The following MYOM1 variants were observed in gnomAD, a reference collection of about 807,000 sequenced individuals.
MYOM1 encodes myomesin-1.
Under a neutral mutation model 205.3 loss-of-function variants are expected in MYOM1, and 164 were observed. The observed-to-expected ratio is 0.80, with a 90% CI of 0.70 to 0.91. The LOEUF is 0.91. MYOM1 is among the 40% of genes least tolerant of loss of function. The pLI is 0.00. For missense variants in MYOM1, 2,011 were observed against 2,127.3 expected (o/e 0.95, Z 1.08); for synonymous variants, 772 against 789.4 (o/e 0.98, Z 0.37).
At chr18:3,165,310 C>T (rs1211296251) in intron 9 of MYOM1, among the ~76,000 whole-genome samples, 1 of 152,030 alleles carries the variant, frequency 6.6e-6, no homozygotes. Flanking sequence ...ATGCTTTGTC[C>T]AATATGGCTT....
intron 22 of MYOM1, among the ~76,000 whole-genome samples, chr18:3,111,325 A>G (rs2079524521): frequency 6.9e-6 from 1 of 144,848 alleles, no homozygotes; most frequent in Non-Finnish European, 1.5e-5. Context: ...GATAAAAGAA[A>G]TTATTATGTA....
intron 2 of MYOM1, among the ~76,000 whole-genome samples, chr18:3,196,120 T>G (rs1431059791): frequency 6.6e-6 from 1 of 152,194 alleles, no homozygotes; most frequent in Admixed American, 6.5e-5. Flanking sequence ...AACTGATGAT[T>G]TAGTAATGCT....
the MYOM1 span, among the ~76,000 whole-genome samples, chr18:3,227,362 G>A: frequency 2.0e-5 from 3 of 152,074 alleles, no homozygotes; most frequent in African/African-American, 7.2e-5. Flanking sequence ...AAATAAGCCA[G>A]TCACACAAGG....
Position 3,067,253 on chromosome 18 carries a change from C to T in MYOM1, c.*9G>A. The T allele has an allele frequency of 1.3e-6, 2 of 1,582,572 alleles. No individual in the cohort carries two copies. Among genetic ancestry groups the T allele is most frequent in the South Asian group, 2.3e-5 (2 of 87,376 alleles). On this transcript the variant is annotated 3_prime_UTR_variant, in exon 38 of 38. Coordinates refer to ENST00000356443, the MANE Select transcript of MYOM1 (RefSeq NM_003803.4). Reference sequence around the variant, plus strand: ...CACACAGGCCGGCTGGCTCTCCTCGCACCTCCGGTCACTTGGCCTTCTTGC... The same window carrying T: ...CACACAGGCCGGCTGGCTCTCCTCGTACCTCCGGTCACTTGGCCTTCTTGC...
chr18:3,148,511 G>C (rs775098367), intron 13 of MYOM1, among the ~76,000 whole-genome samples: 3 of 152,094 alleles, frequency 2.0e-5, no homozygotes, highest in Non-Finnish European at 4.4e-5. Flanking sequence ...TTACGAATGG[G>C]CAGGGGAAAT....
chr18:3,164,333 G>A lies in MYOM1; in HGVS notation c.1446C>T (p.Ile482=), dbSNP rs1471749545. 2 of 1,612,832 alleles carry A rather than the reference G, an allele frequency of 1.2e-6. No homozygotes were observed. Among genetic ancestry groups the A allele is most frequent in the African/African-American group, 2.7e-5 (2 of 75,052 alleles). ...LNKEDEGLYT[I]RVRMGEYYEQ... ...CATAATATTCTCCCATCCGTACACG[G>A]ATTGTATAGAGGCCTTCATCTTCTT... The change falls in exon 10 of 38, where the codon ATC becomes ATT. Residue 482 remains isoleucine (I), a synonymous_variant. Transcript: ENST00000356443.
chr18:3,184,884 C>T (rs565990806), intron 5 of MYOM1, among the ~76,000 whole-genome samples: 9 of 152,126 alleles, frequency 5.9e-5, no homozygotes, highest in Non-Finnish European at 1.2e-4. Context: ...TGTGTCTTCC[C>T]TTTTGTTTGA....
intron 35 of MYOM1, 48 bp downstream of exon 35, chr18:3,075,677 C>G (rs1010939764): frequency 1.3e-6 from 2 of 1,584,660 alleles, no homozygotes; most frequent in East Asian, 2.3e-5. Flanking sequence ...GCAAGCTTCC[C>G]GGGAAATTAG....
At chr18:3,092,391 C>T (rs1190942156) in intron 26 of MYOM1, among the ~76,000 whole-genome samples, 6 of 152,136 alleles carry the variant, frequency 3.9e-5, no homozygotes, top group African/African-American at 1.4e-4. Flanking sequence ...TGAGGTTTCA[C>T]TATGTTGCCC....
intron 2 of MYOM1, among the ~76,000 whole-genome samples, chr18:3,202,938 T>A (rs1297217257): frequency 1.3e-5 from 2 of 151,946 alleles, no homozygotes; most frequent in East Asian, 3.9e-4. Flanking sequence ...GCTAGAATCA[T>A]GGGAAATATA....
At chr18:3,108,599 A>C (rs2079482519) in intron 22 of MYOM1, among the ~76,000 whole-genome samples, 1 of 151,322 alleles carries the variant, frequency 6.6e-6, no homozygotes, top group South Asian at 2.1e-4. Context: ...GCTGGAGTGC[A>C]GTGGCGTGAT....
intron 2 of MYOM1, among the ~76,000 whole-genome samples, chr18:3,200,398 C>T (rs373847579): frequency 1.3e-5 from 2 of 152,078 alleles, no homozygotes; most frequent in East Asian, 3.9e-4. Flanking sequence ...TCTGGGTTGT[C>T]CTTGATGTTG....
chr18:3,105,412 T>C (rs1473700965), intron 22 of MYOM1, among the ~76,000 whole-genome samples: 4 of 152,180 alleles, frequency 2.6e-5, no homozygotes, highest in Non-Finnish European at 5.9e-5. Context: ...TAAAACGATT[T>C]TCATCAGAAA....
At chr18:3,221,116 G>T (rs942604574), upstream of MYOM1, among the ~76,000 whole-genome samples, 6 of 152,184 alleles carry the variant, frequency 3.9e-5, no homozygotes, top group African/African-American at 1.2e-4. Context: ...TGCCTCCCAG[G>T]CTCAAGCAAT....
In MYOM1 at chr18:3,149,246, C is replaced by T. The variant is rs367641876; in HGVS notation, c.1844-45G>A. On this transcript the variant is annotated intron_variant, in intron 12 of 37. Coordinates refer to ENST00000356443, the MANE Select transcript of MYOM1 (RefSeq NM_003803.4). ...AGAATCACAAACGTTTACAAGTGTG[C>T]AATTTATCAGCTGCACTGATGAATT... 1.6e-4 allele frequency: 247 copies of T among 1,538,820 alleles called. No homozygotes were observed. In the African/African-American group the frequency reaches 3.0e-3, roughly 19 times the overall value.
chr18:3,132,992 G>A (rs537263936), intron 16 of MYOM1, among the ~76,000 whole-genome samples: 1 of 152,072 alleles, frequency 6.6e-6, no homozygotes, highest in South Asian at 2.1e-4. Context: ...CAGCCCTTCA[G>A]TCCTTAGAGT....
intron 1 of MYOM1, among the ~76,000 whole-genome samples, chr18:3,217,563 C>T (rs554234966): frequency 6.6e-6 from 1 of 152,138 alleles, no homozygotes; most frequent in South Asian, 2.1e-4. Flanking sequence ...GAGAGAGGTC[C>T]AGGATGCAGA....
Position 3,135,568 on chromosome 18 carries a change from T to TC in MYOM1, c.2187dup (p.Thr730AspfsTer8). 6.2e-7 allele frequency: 1 copy of TC among 1,613,558 alleles called. No homozygotes were observed. The highest frequency in any genetic ancestry group is 8.5e-7 in the Non-Finnish European group (1 of 1,179,766). ...TTACCAAGTTTGTCCCCTACCACAG[T>TC]CACCTCCGTTGCCTCTGAGGGCTCA... On this transcript the variant is annotated frameshift_variant, in exon 15 of 38. Coordinates refer to ENST00000356443, the MANE Select transcript of MYOM1 (RefSeq NM_003803.4). LOFTEE classifies it high-confidence loss of function. This position sits in a 1 kb window ranked among gnomAD's most constrained non-coding sequence, Gnocchi z 4.1.
chr18:3,106,960 C>T (rs2143780836), intron 22 of MYOM1, among the ~76,000 whole-genome samples: 1 of 152,282 alleles, frequency 6.6e-6, no homozygotes, highest in South Asian at 2.1e-4. Context: ...ATCAGTATAT[C>T]ATAAGCAATA....
Sources: allele counts gnomAD v4.1 joint callset (sites outside exome capture counted in the v4.1 genomes callset), GRCh38; gene constraint gnomAD v4.1.1; non-coding constraint Gnocchi (gnomAD v3.1); transcripts MANE v1.5; gene names NCBI Gene and HGNC (gene_info 2026-07-23, HGNC 2026-07-21).